The following FAM120B variants were observed in gnomAD, a reference collection of about 807,000 sequenced individuals.
The protein encoded by FAM120B is family with sequence similarity 120 member B, also known as constitutive coactivator of peroxisome proliferator-activated receptor gamma.
FAM120B carries 83 observed loss-of-function variants against 96.3 expected under a neutral mutation model. The ratio of observed to expected loss-of-function variants is 0.86; its 90% CI spans 0.72 to 1.03. The LOEUF is 1.03. Ranked by LOEUF, FAM120B falls within the 50% of genes least tolerant of loss-of-function variation. The probability of loss-of-function intolerance (pLI) is 0.00; values close to 1 mark genes in which losing one functional copy is unlikely to be tolerated. For missense variants in FAM120B, 1,027 were observed against 1,121.2 expected (o/e 0.92, Z 1.20); for synonymous variants, 407 against 402.7 (o/e 1.01, Z -0.13).
intron 4 of FAM120B, among the ~76,000 whole-genome samples, chr6:170,334,552 G>C (rs1786286497): frequency 6.8e-6 from 1 of 146,632 alleles, no homozygotes; most frequent in Non-Finnish European, 1.5e-5. Flanking sequence ...AAGCTGGTGT[G>C]TGTGTGTGTG....
chr6:170,327,786 C>T (rs1035330174), intron 3 of FAM120B, among the ~76,000 whole-genome samples: 3 of 149,328 alleles, frequency 2.0e-5, no homozygotes, highest in Non-Finnish European at 3.0e-5. Flanking sequence ...AGGACACGAC[C>T]GTATACTGCT....
chr6:170,305,674 ATT>A (rs939071509), upstream of FAM120B, among the ~76,000 whole-genome samples: 1 of 150,362 alleles, frequency 6.7e-6, no homozygotes, highest in Non-Finnish European at 1.5e-5. Context: ...AAAAATTGAC[ATT>A]TGTCAATAAC....
chr6:170,315,577 C>T (rs7753230), intron 1 of FAM120B, among the ~76,000 whole-genome samples: 19,657 of 152,138 alleles, frequency 0.13, 1,445 homozygotes, highest in East Asian at 0.31. Context: ...AGTCACAATA[C>T]TGTAGTGATT....
intron 6 of FAM120B, among the ~76,000 whole-genome samples, chr6:170,366,302 T>A (rs867081640): frequency 2.0e-5 from 3 of 151,768 alleles, no homozygotes; most frequent in Non-Finnish European, 2.9e-5. Context: ...GACTCATGGG[T>A]GGGGGAAGCG....
chr6:170,328,779 T>C (rs1785788307), intron 3 of FAM120B, among the ~76,000 whole-genome samples: 1 of 152,222 alleles, frequency 6.6e-6, no homozygotes, highest in Admixed American at 6.5e-5. Flanking sequence ...CCACATAGTT[T>C]TGCTTATTCT....
intron 1 of FAM120B, among the ~76,000 whole-genome samples, chr6:170,313,541 C>G (rs745484444): frequency 6.6e-6 from 1 of 152,238 alleles, no homozygotes. Flanking sequence ...AGACTTACCT[C>G]TGTTTGGCTT....
intron 6 of FAM120B, among the ~76,000 whole-genome samples, chr6:170,368,054 C>A (rs909518796): frequency 6.6e-6 from 1 of 152,106 alleles, no homozygotes; most frequent in African/African-American, 2.4e-5. Context: ...TTATGGGGTA[C>A]AGTGAAATGT....
intron 6 of FAM120B, among the ~76,000 whole-genome samples, chr6:170,361,996 G>A (rs1228558573): frequency 6.6e-6 from 1 of 152,074 alleles, no homozygotes; most frequent in African/African-American, 2.4e-5. Context: ...GTTTCACCAT[G>A]TTGGCCAGGC....
At chr6:170,346,321 A>C (rs1243578892) in intron 4 of FAM120B, among the ~76,000 whole-genome samples, 1 of 152,212 alleles carries the variant, frequency 6.6e-6, no homozygotes, top group Non-Finnish European at 1.5e-5. Context: ...TCACATTAAA[A>C]AAGGACTGGA....
intron 9 of FAM120B, among the ~76,000 whole-genome samples, chr6:170,400,311 T>G (rs144350096): frequency 0.018 from 2,687 of 152,136 alleles, 72 homozygotes; most frequent in African/African-American, 0.062. Context: ...AAGGTAGAAC[T>G]ATGTCATTTA....
At chr6:170,297,364 G>T (rs551981523) in intron 1 of FAM120B, among the ~76,000 whole-genome samples, 30 of 152,326 alleles carry the variant, frequency 2.0e-4, no homozygotes, top group African/African-American at 6.7e-4. Flanking sequence ...GAACAGATGT[G>T]GGCACCTGCG....
chr6:170,332,621 C>G (rs900104905), intron 4 of FAM120B, among the ~76,000 whole-genome samples: 1 of 152,082 alleles, frequency 6.6e-6, no homozygotes, highest in African/African-American at 2.4e-5. Context: ...TTGCTGGAAC[C>G]CTGGAGGCGG....
chr6:170,390,319 A>C (rs757044060), intron 7 of FAM120B, among the ~76,000 whole-genome samples: 4 of 152,240 alleles, frequency 2.6e-5, no homozygotes, highest in Non-Finnish European at 5.9e-5. Flanking sequence ...CAAGAGGAGA[A>C]ATGTGCTTCT....
intron 4 of FAM120B, among the ~76,000 whole-genome samples, chr6:170,345,099 T>C (rs1301329193): frequency 6.6e-6 from 1 of 152,218 alleles, no homozygotes. Flanking sequence ...CTGTGGTGCC[T>C]GGCATGTGAT....
In FAM120B at chr6:170,330,501, C is replaced by T; in HGVS notation, c.1968C>T (p.Asn656=). 6.2e-7 allele frequency: 1 copy of T among 1,614,160 alleles called. No individual in the cohort carries two copies. The highest frequency in any genetic ancestry group is 8.5e-7 in the Non-Finnish European group (1 of 1,180,018). The part of the protein sequence containing the change: ...AVKEWFVYPG[N]PLRHPDLVRP... ...AGGAGTGGTTTGTGTATCCTGGGAA[C>T]CCACTGAGGCACCCGGACCTCGTCA... The change falls in exon 4 of 11, where the codon AAC becomes AAT. Residue 656 remains asparagine, a synonymous_variant. Coordinates refer to ENST00000476287, the MANE Select transcript of FAM120B (RefSeq NM_032448.3).
chr6:170,355,050 G>A (rs1032429821), intron 5 of FAM120B, among the ~76,000 whole-genome samples: 4 of 152,106 alleles, frequency 2.6e-5, no homozygotes, highest in Non-Finnish European at 5.9e-5. Context: ...CAATCAGAAT[G>A]GCTATTATTA....
At chr6:170,350,035 C>A (rs1186409881) in intron 5 of FAM120B, among the ~76,000 whole-genome samples, 3 of 152,170 alleles carry the variant, frequency 2.0e-5, no homozygotes. Context: ...TGAGCCCATA[C>A]CACCACAGCC....
At chr6:170,301,182 G>T (rs965847299) in intron 1 of FAM120B, among the ~76,000 whole-genome samples, 18 of 152,242 alleles carry the variant, frequency 1.2e-4, no homozygotes, top group African/African-American at 4.3e-4. Flanking sequence ...AATCTAGGTG[G>T]AGGTTCCCAA....
At chr6:170,376,922 G>A (rs1357411469) in intron 6 of FAM120B, among the ~76,000 whole-genome samples, 1 of 150,620 alleles carries the variant, frequency 6.6e-6, no homozygotes, top group Non-Finnish European at 1.5e-5. Context: ...TTGCACACGC[G>A]TCCCTAAACC....
Sources: gnomAD v4.1 joint callset for allele counts (sites outside exome capture counted in the v4.1 genomes callset) on GRCh38, gnomAD v4.1.1 for gene constraint, MANE v1.5 for transcripts, NCBI Gene and HGNC (gene_info 2026-07-23, HGNC 2026-07-21) for gene names.